The following LPP variants were observed in gnomAD, a reference collection of about 807,000 sequenced individuals.
The protein encoded by LPP is LIM domain containing preferred translocation partner in lipoma, also known as lipoma-preferred partner.
LPP carries 38 observed loss-of-function variants against 60.4 expected under a neutral mutation model. That is an observed-to-expected ratio of 0.63 (90% CI 0.49 to 0.83). LPP has a LOEUF of 0.83. Among genes scored for constraint, LPP ranks in the 40% least tolerant of loss-of-function variants. The pLI, the probability that LPP is intolerant of heterozygous loss-of-function variation, is 0.00. For synonymous variants in LPP, 328 were observed against 290.8 expected (o/e 1.13, Z -1.30); for missense variants, 902 against 783.6 (o/e 1.15, Z -1.80).
Position 188,425,517 on chromosome 3 carries a change from G to T in LPP, c.193+19204G>T, listed in dbSNP as rs181382372. Among the ~76,000 whole-genome samples, 440 of 152,268 alleles carry T rather than the reference G, an allele frequency of 2.9e-3. 1 individual carries two copies. The highest frequency in any genetic ancestry group is 0.01 in the African/African-American group (429 of 41,546). On this transcript the variant is annotated intron_variant, in intron 4 of 11. Transcript: ENST00000617246. ...CTATTGTTTGGAATAATTTCAGAAG[G>T]AATGGTAGCAAGCTCCTCTTTGTAC...
chr3:188,796,547 A>G lies in LPP; in HGVS notation c.1410+36265A>G, dbSNP rs529849965. Among the ~76,000 whole-genome samples, 4 of 152,272 alleles carry G rather than the reference A, an allele frequency of 2.6e-5. No homozygotes were observed. In the East Asian group the frequency reaches 7.7e-4, roughly 29 times the overall value. Reference sequence around the variant, plus strand: ...CTTTTCCCTAAGTGTTGTGGTTGCTAGCCACACACCATGTATTCAACATCT... The same window carrying G: ...CTTTTCCCTAAGTGTTGTGGTTGCTGGCCACACACCATGTATTCAACATCT... On this transcript the variant is annotated intron_variant, in intron 9 of 11. Transcript: ENST00000617246.
Position 188,610,083 on chromosome 3 carries a change from C to G in LPP, c.1113+239C>G, listed in dbSNP as rs1398297078. ...TGCTCAATCTCAGAGAATCATCTTC[C>G]AAAGCCCACAGACACCATAGCATCT... is the stretch of plus-strand genomic sequence containing the variant. On this transcript the variant is annotated intron_variant, in intron 7 of 11. Transcript: ENST00000617246. This position sits in a 1 kb window ranked among gnomAD's most constrained non-coding sequence, Gnocchi z 4.4. 2.0e-5 allele frequency among the ~76,000 whole-genome samples: 3 copies of G among 152,172 alleles called. No individual in the cohort carries two copies. The highest frequency in any genetic ancestry group is 7.2e-5 in the African/African-American group (3 of 41,444).
chr3:188,394,462 G>A (rs79192702), intron 3 of LPP, among the ~76,000 whole-genome samples: 1,554 of 152,118 alleles, frequency 0.01, 28 homozygotes, highest in African/African-American at 0.035. Flanking sequence ...TAGATAAAAT[G>A]TCTTCATTAA....
At chr3:188,272,463 C>T (rs1472689626) in intron 2 of LPP, among the ~76,000 whole-genome samples, 1 of 152,178 alleles carries the variant, frequency 6.6e-6, no homozygotes, top group African/African-American at 2.4e-5. Flanking sequence ...CTTTCCCAGT[C>T]TAGTTCCACC....
chr3:188,657,178 T>G (rs1560019605), intron 7 of LPP, among the ~76,000 whole-genome samples: 1 of 149,440 alleles, frequency 6.7e-6, no homozygotes, highest in East Asian at 2.0e-4. Flanking sequence ...AATTCAATTA[T>G]TTTTTTCCTC....
intron 7 of LPP, among the ~76,000 whole-genome samples, chr3:188,693,291 T>C (rs1862508902): frequency 6.6e-6 from 1 of 152,210 alleles, no homozygotes; most frequent in African/African-American, 2.4e-5. Context: ...GATGTCTCAA[T>C]TTCCTAATCT....
chr3:188,863,885 G>A (rs1765888645), intron 9 of LPP, among the ~76,000 whole-genome samples: 1 of 149,642 alleles, frequency 6.7e-6, no homozygotes, highest in South Asian at 2.1e-4. Flanking sequence ...TTGCAGCCAA[G>A]CCTCAGTGCA....
intron 9 of LPP, among the ~76,000 whole-genome samples, chr3:188,837,382 C>CATCATAATAATAATA (rs370487700): frequency 1.7e-4 from 24 of 140,386 alleles, no homozygotes; most frequent in Non-Finnish European, 2.5e-4. Context: ...CCATCTCAAA[C>CATCATAATAATAATA]ATAATAATAA....
intron 6 of LPP, among the ~76,000 whole-genome samples, chr3:188,602,621 G>T (rs6780491): frequency 1.3e-4 from 19 of 151,222 alleles, no homozygotes; most frequent in Non-Finnish European, 2.4e-4. Context: ...GGATTTTTGA[G>T]AGTCAGAGTA....
rs75424856 is a variant in LPP at position 188,769,217 on chromosome 3, G to T, written c.1410+8935G>T. Among the ~76,000 whole-genome samples the T allele has an allele frequency of 4.0e-3, 605 of 152,294 alleles. 2 individuals carry two copies. Among genetic ancestry groups the T allele is most frequent in the African/African-American group, 0.012 (490 of 41,562 alleles). On this transcript the variant is annotated intron_variant, in intron 9 of 11. Transcript: ENST00000617246. ...GAGCAAAAAGGGTATTTTGGGGATT[G>T]AATGTGCTTTGGAAAGCCTCTCTCA...
intron 4 of LPP, among the ~76,000 whole-genome samples, chr3:188,445,179 C>CA (rs1413417978): frequency 6.6e-6 from 1 of 152,188 alleles, no homozygotes; most frequent in Middle Eastern, 3.2e-3. Context: ...TATAAAGACA[C>CA]ATGCACACAC....
At position 188,881,690 on chromosome 3, in the gene LPP, A is replaced by G. The variant is rs1018856862; in HGVS notation, c.*7211A>G. On this transcript the variant is annotated 3_prime_UTR_variant, in exon 12 of 12. Transcript: ENST00000617246. ...CTGAAAACAGGAAGCAAGCTAATGC[A>G]TATGCCATCCATGAGATTCCCACTT... The G allele has an allele frequency of 8.8e-6, 2 of 226,256 alleles. No individual in the cohort carries two copies. Among genetic ancestry groups the G allele is most frequent in the African/African-American group, 4.4e-5 (2 of 45,020 alleles). The allele number at this position is 226,256 out of a possible 1,614,324, so 14.0% of individuals were successfully genotyped here.
At chr3:188,827,989 T>A (rs1440191700) in intron 9 of LPP, among the ~76,000 whole-genome samples, 1 of 152,196 alleles carries the variant, frequency 6.6e-6, no homozygotes, top group Non-Finnish European at 1.5e-5. Flanking sequence ...GACCACATTT[T>A]TCCCTAATGA....
intron 6 of LPP, among the ~76,000 whole-genome samples, chr3:188,603,777 A>G (rs1258220288): frequency 6.6e-6 from 1 of 152,162 alleles, no homozygotes; most frequent in Non-Finnish European, 1.5e-5. Context: ...TCATGAAAAT[A>G]TAATTGAAAT....
At chr3:188,206,083 G>A (rs142668938) in intron 1 of LPP, among the ~76,000 whole-genome samples, 181 of 152,248 alleles carry the variant, frequency 1.2e-3, no homozygotes, top group African/African-American at 4.2e-3. Context: ...GAGATGTGAC[G>A]GGTCTGAGAC....
At chr3:188,366,095 T>A (rs546891824) in intron 3 of LPP, among the ~76,000 whole-genome samples, 2 of 152,338 alleles carry the variant, frequency 1.3e-5, no homozygotes, top group African/African-American at 4.8e-5. Context: ...TCTATGTGTT[T>A]GACTTTTTTA....
intron 2 of LPP, among the ~76,000 whole-genome samples, chr3:188,267,768 G>A (rs1425372681): frequency 2.0e-5 from 3 of 152,136 alleles, no homozygotes; most frequent in African/African-American, 2.4e-5. Context: ...TTCTTGACAT[G>A]GGCTTTGATG....
intron 4 of LPP, among the ~76,000 whole-genome samples, chr3:188,419,532 C>CTTAA (rs1787209308): frequency 2.6e-5 from 4 of 152,184 alleles, no homozygotes; most frequent in African/African-American, 9.6e-5. Flanking sequence ...GATTTTACCT[C>CTTAA]TTAATTCTCT....
At chr3:188,231,189 G>A (rs1719823831) in intron 2 of LPP, among the ~76,000 whole-genome samples, 1 of 152,164 alleles carries the variant, frequency 6.6e-6, no homozygotes, top group Non-Finnish European at 1.5e-5. Flanking sequence ...ACTAGGTCCA[G>A]GCCACACTGA....
Sources: gnomAD v4.1 joint callset for allele counts (sites outside exome capture counted in the v4.1 genomes callset) on GRCh38, gnomAD v4.1.1 for gene constraint, Gnocchi (gnomAD v3.1) non-coding constraint, MANE v1.5 for transcripts, NCBI Gene and HGNC (gene_info 2026-07-23, HGNC 2026-07-21) for gene names.